SPATA6L: variants seen among roughly 807,000 people sequenced by gnomAD.
SPATA6L encodes the protein spermatogenesis associated 6 like.
A neutral mutation model predicts 49.2 loss-of-function variants in SPATA6L; 68 were observed. The observed-to-expected ratio is 1.38, with a 90% CI of 1.14 to 1.69. SPATA6L has a LOEUF of 1.69. SPATA6L is among the 40% of genes most tolerant of loss of function. SPATA6L has a pLI of 0.00. For missense variants in SPATA6L, 668 were observed against 464.3 expected (o/e 1.44, Z -4.03); for synonymous variants, 198 against 165.7 (o/e 1.19, Z -1.50).
In SPATA6L at chr9:4,599,969, T is replaced by C. The variant is rs1365905659; in HGVS notation, c.*842A>G. Among the ~76,000 whole-genome samples the C allele has an allele frequency of 1.3e-5, 2 of 152,198 alleles. No individual in the cohort carries two copies. The highest frequency in any genetic ancestry group is 2.1e-4 in the South Asian group (1 of 4,832). On this transcript the variant is annotated 3_prime_UTR_variant, in exon 12 of 12. Transcript: ENST00000682582. ...CAAATGTGCCTCTAGTCTCCCTTTA[T>C]CCCAGCCCCTTCCTATTCCTGCTCC... is the stretch of plus-strand genomic sequence containing the variant.
intron 1 of SPATA6L, chr9:4,664,892 C>A (rs939807673): frequency 6.0e-6 from 1 of 167,104 alleles, no homozygotes; most frequent in African/African-American, 2.4e-5. Context: ...TCTTCACTTG[C>A]TAAAGCAGCT....
At chr9:4,592,835 G>C (rs1488727926) in intron 13 of SPATA6L, among the ~76,000 whole-genome samples, 1 of 152,142 alleles carries the variant, frequency 6.6e-6, no homozygotes, top group African/African-American at 2.4e-5. Context: ...TGATGGATAG[G>C]TTTATGGCAT....
At chr9:4,605,277 G>T in intron 10 of SPATA6L, 70 bp downstream of exon 10, 1 of 1,194,702 alleles carries the variant, frequency 8.4e-7, no homozygotes, top group Non-Finnish European at 1.2e-6. Context: ...CTGTCTCCCC[G>T]ACTAGACTGT....
intron 9 of SPATA6L, among the ~76,000 whole-genome samples, chr9:4,615,260 ACTT>A (rs1400754757): frequency 6.6e-6 from 1 of 152,078 alleles, no homozygotes; most frequent in African/African-American, 2.4e-5. Flanking sequence ...CTCTTTGCAT[ACTT>A]CTTTTTTATT....
intron 3 of SPATA6L, among the ~76,000 whole-genome samples, chr9:4,648,359 A>T (rs529730292): frequency 2.2e-4 from 34 of 152,260 alleles, no homozygotes; most frequent in East Asian, 1.5e-3. Context: ...TTCTTTTTTT[A>T]AAATTTTTTT....
At chr9:4,640,293 G>A (rs1415039315) in intron 3 of SPATA6L, among the ~76,000 whole-genome samples, 1 of 152,102 alleles carries the variant, frequency 6.6e-6, no homozygotes, top group Non-Finnish European at 1.5e-5. Flanking sequence ...TTATTTCTTG[G>A]CAGCAAAGAT....
chr9:4,645,936 T>C (rs1835278895), intron 3 of SPATA6L, among the ~76,000 whole-genome samples: 1 of 152,156 alleles, frequency 6.6e-6, no homozygotes, highest in Non-Finnish European at 1.5e-5. Flanking sequence ...CTTATGAACA[T>C]ACGAAAACCA....
chr9:4,660,424 T>A (rs1009647118), intron 2 of SPATA6L, among the ~76,000 whole-genome samples: 1 of 152,082 alleles, frequency 6.6e-6, no homozygotes, highest in Non-Finnish European at 1.5e-5. Context: ...AACAGACACA[T>A]GAAAAAATAC....
At chr9:4,646,269 T>C (rs1008401226) in intron 3 of SPATA6L, 6 of 362,230 alleles carry the variant, frequency 1.7e-5, no homozygotes, top group South Asian at 1.0e-4. Context: ...GTTTAAGTTA[T>C]GCTCCCTGCC....
At chr9:4,660,564 C>G (rs780044733) in intron 2 of SPATA6L, among the ~76,000 whole-genome samples, 4 of 152,228 alleles carry the variant, frequency 2.6e-5, no homozygotes, top group Admixed American at 6.5e-5. Context: ...GAAACAGGAA[C>G]ACCTTTACAC....
At position 4,604,222 on chromosome 9, in the gene SPATA6L, G is replaced by T. The variant is rs377072654; in HGVS notation, c.1137C>A (p.Tyr379Ter). ...CATGCAGTGAGTATTTCTTCAGAGG[G>T]TAGCTTGGTCTTTCAATGATATAAT... ...EVNYIIERPS[Y>*]PLKKYSLHEQ... Residue 379 changes from tyrosine (Y) to a stop codon, truncating the protein, a stop_gained, in exon 11 of 12, where the codon TAC becomes TAA. Transcript: ENST00000682582. LOFTEE classifies it high-confidence loss of function. 1.2e-6 allele frequency: 2 copies of T among 1,612,252 alleles called. No homozygotes were observed. Among genetic ancestry groups the T allele is most frequent in the African/African-American group, 2.7e-5 (2 of 74,860 alleles).
At position 4,662,172 on chromosome 9, in the gene SPATA6L, C is replaced by G; in HGVS notation, c.40-136G>C. On this transcript the variant is annotated intron_variant, in intron 1 of 11. Coordinates refer to ENST00000682582, the MANE Select transcript of SPATA6L (RefSeq NM_001353486.2). This position sits in a 1 kb window ranked among gnomAD's most constrained non-coding sequence, Gnocchi z 4.9. ...TCACCTCACTCCCTCACCTGTACCT[C>G]CCAACGCCAACATCCTCCCCTCTGC... 6.9e-7 allele frequency: 1 copy of G among 1,453,334 alleles called. No homozygotes were observed. The highest frequency in any genetic ancestry group is 9.0e-7 in the Non-Finnish European group (1 of 1,105,488). The allele number at this position is 1,453,334 out of a possible 1,614,324, so 90.0% of individuals were successfully genotyped here.
chr9:4,632,361 C>T (rs555677691), intron 4 of SPATA6L, among the ~76,000 whole-genome samples: 10 of 151,536 alleles, frequency 6.6e-5, no homozygotes, highest in East Asian at 5.8e-4. Flanking sequence ...TTTGGGAGGC[C>T]GAGGCAGGAG....
chr9:4,645,919 G>C (rs1564283108), intron 3 of SPATA6L, among the ~76,000 whole-genome samples: 1 of 152,172 alleles, frequency 6.6e-6, no homozygotes, highest in Non-Finnish European at 1.5e-5. Context: ...GGTGATGGCT[G>C]TCCAATCTTA....
At chr9:4,619,036 A>G in intron 7 of SPATA6L, 138 bp from the exon 8 acceptor site, 1 of 706,652 alleles carries the variant, frequency 1.4e-6, no homozygotes, top group South Asian at 2.0e-5. Context: ...GCTCCCTTGT[A>G]AGTTACACTA....
At position 4,662,157 on chromosome 9, in the gene SPATA6L, C is replaced by T; in HGVS notation, c.40-121G>A. On this transcript the variant is annotated intron_variant, in intron 1 of 11. Coordinates refer to ENST00000682582, the MANE Select transcript of SPATA6L (RefSeq NM_001353486.2). The surrounding 1 kb of genome is among the most constrained non-coding windows in gnomAD (Gnocchi z 4.9). ...CTGACATTTTCCCCATCACCTCACTCCCTCACCTGTACCTCCCAACGCCAA... is the reference window on the plus strand; with the variant it reads ...CTGACATTTTCCCCATCACCTCACTTCCTCACCTGTACCTCCCAACGCCAA... 6.8e-7 allele frequency: 1 copy of T among 1,474,924 alleles called. No individual in the cohort carries two copies. The highest frequency in any genetic ancestry group is 9.0e-7 in the Non-Finnish European group (1 of 1,114,256). 91.4% of individuals were successfully genotyped at this position (1,474,924 alleles called of 1,614,324 possible).
intron 3 of SPATA6L, among the ~76,000 whole-genome samples, chr9:4,644,117 T>C (rs1834691292): frequency 7.6e-6 from 1 of 132,008 alleles, no homozygotes; most frequent in African/African-American, 2.8e-5. Flanking sequence ...GTGGCCAAGG[T>C]GGGAGAATCA....
chr9:4,653,206 C>G (rs1180468897), intron 3 of SPATA6L, among the ~76,000 whole-genome samples: 1 of 152,208 alleles, frequency 6.6e-6, no homozygotes, highest in Admixed American at 6.5e-5. Context: ...AGTAAACCCT[C>G]ACATTACTGT....
chr9:4,635,879 T>G (rs1832710519), intron 3 of SPATA6L, among the ~76,000 whole-genome samples: 1 of 152,134 alleles, frequency 6.6e-6, no homozygotes, highest in Non-Finnish European at 1.5e-5. Flanking sequence ...CCCGAGGACA[T>G]TTTGGACATT....
Sources: gnomAD v4.1 joint callset for allele counts (sites outside exome capture counted in the v4.1 genomes callset) on GRCh38, gnomAD v4.1.1 for gene constraint, Gnocchi (gnomAD v3.1) non-coding constraint, MANE v1.5 for transcripts, NCBI Gene and HGNC (gene_info 2026-07-23, HGNC 2026-07-21) for gene names.